Variants in ROBO1 observed in about 807,000 individuals in gnomAD.
ROBO1 encodes the protein roundabout guidance receptor 1.
In ROBO1, 149 loss-of-function variants were observed where a neutral mutation model predicts 195.9. The observed-to-expected ratio is 0.76, with a 90% CI of 0.67 to 0.87. The LOEUF is 0.87. ROBO1 is among the 40% of genes least tolerant of loss of function. ROBO1 has a pLI of 0.00. For synonymous variants in ROBO1, 816 were observed against 733.2 expected (o/e 1.11, Z -1.82); for missense variants, 1,933 against 2,068.3 (o/e 0.93, Z 1.27).
At chr3:79,504,879 G>A (rs370328950) in intron 2 of ROBO1, among the ~76,000 whole-genome samples, 1 of 152,080 alleles carries the variant, frequency 6.6e-6, no homozygotes, top group African/African-American at 2.4e-5. Context: ...GTGTGTGTGT[G>A]TATGTATGCG....
At chr3:79,706,570 G>A (rs1421490671) in intron 1 of ROBO1, among the ~76,000 whole-genome samples, 3 of 152,016 alleles carry the variant, frequency 2.0e-5, no homozygotes, top group African/African-American at 4.8e-5. Context: ...GGAGGGACCC[G>A]GTAGGGGGTA....
At chr3:78,617,537 C>T in intron 27 of ROBO1, 98 bp downstream of exon 27, 1 of 1,222,682 alleles carries the variant, frequency 8.2e-7, no homozygotes. Flanking sequence ...AGAATAGATG[C>T]TTTTCAAATA....
At chr3:79,164,180 A>G (rs1222926330) in intron 2 of ROBO1, among the ~76,000 whole-genome samples, 1 of 152,168 alleles carries the variant, frequency 6.6e-6, no homozygotes, top group Non-Finnish European at 1.5e-5. Context: ...TAAATTATTA[A>G]AGAAGCAGCT....
chr3:78,971,424 G>C (rs377670080), intron 3 of ROBO1, among the ~76,000 whole-genome samples: 2 of 152,170 alleles, frequency 1.3e-5, no homozygotes, highest in South Asian at 4.1e-4. Context: ...CTCAACCCAG[G>C]GATTCTGATT....
intron 4 of ROBO1, among the ~76,000 whole-genome samples, chr3:78,834,571 G>C (rs1475904672): frequency 6.6e-6 from 1 of 151,524 alleles, no homozygotes; most frequent in Non-Finnish European, 1.5e-5. Flanking sequence ...TTCATCATCA[G>C]GGTGCATATG....
At chr3:79,620,159 G>C (rs151146152) in intron 1 of ROBO1, among the ~76,000 whole-genome samples, 1 of 152,132 alleles carries the variant, frequency 6.6e-6, no homozygotes, top group Non-Finnish European at 1.5e-5. Flanking sequence ...GCTGTGTCCC[G>C]TCTGTGCGGG....
At chr3:79,349,071 T>C (rs2035242255) in intron 2 of ROBO1, among the ~76,000 whole-genome samples, 3 of 152,190 alleles carry the variant, frequency 2.0e-5, no homozygotes. Flanking sequence ...ACTGTGAGGA[T>C]GCTAGAGAAG....
intron 3 of ROBO1, among the ~76,000 whole-genome samples, chr3:79,062,198 C>G (rs1396060998): frequency 3.9e-5 from 6 of 151,906 alleles, no homozygotes. Flanking sequence ...GATATGAACA[C>G]ACACTTCTTA....
At chr3:79,522,912 T>C (rs998539222) in intron 2 of ROBO1, among the ~76,000 whole-genome samples, 15 of 152,104 alleles carry the variant, frequency 9.9e-5, no homozygotes, top group African/African-American at 3.4e-4. Context: ...CCTTGTAAAA[T>C]TGGAACCTAA....
rs541912950 is a variant in ROBO1 at position 78,650,763 on chromosome 3, C to A, written c.2812+969G>T. Among the ~76,000 whole-genome samples, 130 of 152,240 alleles carry A rather than the reference C, an allele frequency of 8.5e-4. 2 individuals are homozygous for A. Among genetic ancestry groups the A allele is most frequent in the Non-Finnish European group, 1.2e-3 (80 of 68,008 alleles). On this transcript the variant is annotated intron_variant, in intron 19 of 30. Coordinates refer to ENST00000464233, the MANE Select transcript of ROBO1 (RefSeq NM_002941.4). ...GTTGCATTCGACTGAAGGATGGGCC[C>A]TATAATTTGTATAATCTGCCATTTA...
intron 18 of ROBO1, 143 bp downstream of exon 18, chr3:78,656,955 G>A: frequency 2.7e-6 from 2 of 733,844 alleles, no homozygotes; most frequent in Non-Finnish European, 4.2e-6. Context: ...ATTAAGTAAA[G>A]CTAACACCTT....
At chr3:79,708,000 A>C (rs1702121675) in intron 1 of ROBO1, among the ~76,000 whole-genome samples, 2 of 152,194 alleles carry the variant, frequency 1.3e-5, no homozygotes, top group African/African-American at 2.4e-5. Context: ...TTAGATTCTC[A>C]TACAAGGAGT....
intron 4 of ROBO1, among the ~76,000 whole-genome samples, chr3:78,874,480 A>T (rs1466967016): frequency 6.6e-6 from 1 of 151,894 alleles, no homozygotes; most frequent in Non-Finnish European, 1.5e-5. Flanking sequence ...ATACTAATAC[A>T]CCGTAATAAT....
At chr3:78,744,976 A>G (rs1191327418) in intron 5 of ROBO1, among the ~76,000 whole-genome samples, 1 of 152,148 alleles carries the variant, frequency 6.6e-6, no homozygotes, top group Non-Finnish European at 1.5e-5. Context: ...GCTCCAGCAG[A>G]ACACTCACTG....
intron 2 of ROBO1, among the ~76,000 whole-genome samples, chr3:79,496,502 G>C (rs1044335845): frequency 1.4e-5 from 2 of 146,046 alleles, no homozygotes; most frequent in Middle Eastern, 3.5e-3. Flanking sequence ...TCCTGCCTCA[G>C]CCTCCCGAGT....
At chr3:78,647,328 A>T (rs1410197219) in intron 20 of ROBO1, among the ~76,000 whole-genome samples, 1 of 152,050 alleles carries the variant, frequency 6.6e-6, no homozygotes, top group Non-Finnish European at 1.5e-5. Context: ...AGTCAATAAG[A>T]TCATTAGCAT....
At chr3:79,287,573 C>T (rs1357749150) in intron 2 of ROBO1, among the ~76,000 whole-genome samples, 1 of 152,066 alleles carries the variant, frequency 6.6e-6, no homozygotes, top group Non-Finnish European at 1.5e-5. Flanking sequence ...CTAGTTATCC[C>T]CATCTTCCAG....
At chr3:78,631,489 A>G (rs1705185584) in intron 24 of ROBO1, among the ~76,000 whole-genome samples, 184 bp from the exon 25 acceptor site, 1 of 152,214 alleles carries the variant, frequency 6.6e-6, no homozygotes, top group African/African-American at 2.4e-5. Flanking sequence ...ACTGCCATGA[A>G]TAACTGCAAA....
chr3:79,155,995 C>T (rs1049171816), intron 2 of ROBO1, among the ~76,000 whole-genome samples: 3 of 151,730 alleles, frequency 2.0e-5, no homozygotes, highest in Non-Finnish European at 4.4e-5. Flanking sequence ...CAGTAATTTA[C>T]AGTTTCTCTG....
Sources: allele counts gnomAD v4.1 joint callset (sites outside exome capture counted in the v4.1 genomes callset), GRCh38; gene constraint gnomAD v4.1.1; transcripts MANE v1.5; gene names NCBI Gene and HGNC (gene_info 2026-07-23, HGNC 2026-07-21).